RHBDD1: variants seen among roughly 807,000 people sequenced by gnomAD.
RHBDD1 encodes the protein rhomboid-related protein 4.
Under a neutral mutation model 36.3 loss-of-function variants are expected in RHBDD1, and 38 were observed. That is an observed-to-expected ratio of 1.05 (90% confidence interval 0.81 to 1.37). The LOEUF is 1.37. Among genes scored for constraint, RHBDD1 ranks in the 40% most tolerant of loss-of-function variants. RHBDD1 has a pLI of 0.00. For synonymous variants in RHBDD1, 151 were observed against 136.5 expected (o/e 1.11, Z -0.74); for missense variants, 393 against 377.6 (o/e 1.04, Z -0.34).
chr2:226,985,896 G>C (rs182292883), intron 8 of RHBDD1, among the ~76,000 whole-genome samples: 3 of 152,362 alleles, frequency 2.0e-5, no homozygotes, highest in African/African-American at 7.2e-5. Context: ...ACTCTTAGTG[G>C]CAAAGGCCAA....
In RHBDD1 at chr2:226,992,553, G is replaced by A. The variant is rs139386692; in HGVS notation, c.857-2878G>A. On this transcript the variant is annotated intron_variant, in intron 8 of 8. Coordinates refer to ENST00000392062, the MANE Select transcript of RHBDD1 (RefSeq NM_001167608.3). ...AAGGTCTTCTTGGTTCTAGAAAGCC[G>A]AACCATGCTAGTAGCCAGTGGAATT... is the stretch of plus-strand genomic sequence containing the variant. 1.4e-3 allele frequency among the ~76,000 whole-genome samples: 219 copies of A among 152,292 alleles called. 2 individuals carry two copies. Among genetic ancestry groups the A allele is most frequent in the Non-Finnish European group, 1.9e-3 (128 of 68,024 alleles).
In RHBDD1 at chr2:226,864,837, A is replaced by G; in HGVS notation, c.144A>G (p.Pro48=). The change falls in exon 4 of 9, where the codon CCA becomes CCG. Residue 48 remains proline (P), a synonymous_variant. Coordinates refer to ENST00000392062, the MANE Select transcript of RHBDD1 (RefSeq NM_001167608.3). ...NIWFFLNPQK[P]LYSSCLSVEK... is the part of the protein sequence containing the mutation. Reference sequence around the variant, plus strand: ...GGTTCTTCTTGAACCCTCAGAAGCCACTGTATAGCTCCTGCCTTAGTGTGG... The same window carrying G: ...GGTTCTTCTTGAACCCTCAGAAGCCGCTGTATAGCTCCTGCCTTAGTGTGG... 2 of 1,614,200 alleles carry G rather than the reference A, an allele frequency of 1.2e-6. No individual in the cohort carries two copies. The highest frequency in any genetic ancestry group is 1.3e-5 in the African/African-American group (1 of 75,042).
At chr2:226,890,060 A>C (rs1245238414) in intron 5 of RHBDD1, among the ~76,000 whole-genome samples, 1 of 152,208 alleles carries the variant, frequency 6.6e-6, no homozygotes, top group African/African-American at 2.4e-5. Flanking sequence ...CATCACCTGC[A>C]GGTACAAGGT....
chr2:226,855,466 T>C (rs566557909), intron 3 of RHBDD1, among the ~76,000 whole-genome samples: 1 of 152,310 alleles, frequency 6.6e-6, no homozygotes, highest in Non-Finnish European at 1.5e-5. Flanking sequence ...ATTGTACCAC[T>C]GCACTCCAGC....
At position 226,947,961 on chromosome 2, in the gene RHBDD1, T is replaced by G. The variant is rs535177938; in HGVS notation, c.856+33610T>G. Among the ~76,000 whole-genome samples, 29 of 152,324 alleles carry G rather than the reference T, an allele frequency of 1.9e-4. No homozygotes were observed. The South Asian group carries it at 6.0e-3, about 32-fold the overall frequency. ...TGGAGAAATAGGAACACTTTTACAC[T>G]GTTGGTGGGATTGTAAACTAGTTCA... On this transcript the variant is annotated intron_variant, in intron 8 of 8. Coordinates refer to ENST00000392062, the MANE Select transcript of RHBDD1 (RefSeq NM_001167608.3).
At chr2:226,987,435 C>T (rs1020662043) in intron 8 of RHBDD1, among the ~76,000 whole-genome samples, 8 of 152,194 alleles carry the variant, frequency 5.3e-5, no homozygotes, top group African/African-American at 1.9e-4. Context: ...CTTCTGTGCC[C>T]AGCTGCCAAA....
chr2:226,819,771 T>C, the RHBDD1 span, among the ~76,000 whole-genome samples: 5 of 152,228 alleles, frequency 3.3e-5, no homozygotes, highest in African/African-American at 1.2e-4. Context: ...TTTCACATTA[T>C]TGCTCAGTAG....
At chr2:226,812,647 C>CTCTCTTTTTTTTTT in the RHBDD1 span, among the ~76,000 whole-genome samples, 1 of 150,302 alleles carries the variant, frequency 6.7e-6, no homozygotes, top group Non-Finnish European at 1.5e-5. Context: ...CTCTCTCTCT[C>CTCTCTTTTTTTTTT]TTTTTTTTTG....
At chr2:226,934,382 T>C (rs1280460411) in intron 8 of RHBDD1, among the ~76,000 whole-genome samples, 1 of 152,084 alleles carries the variant, frequency 6.6e-6, no homozygotes, top group Non-Finnish European at 1.5e-5. Flanking sequence ...AATGACACAT[T>C]TTTTCAGAAC....
chr2:226,914,521 C>T, intron 8 of RHBDD1, 170 bp downstream of exon 8: 1 of 660,808 alleles, frequency 1.5e-6, no homozygotes, highest in Non-Finnish European at 2.4e-6. Context: ...ATGCCATATT[C>T]CCAGCAACCT....
chr2:226,839,998 T>C (rs1474033087), intron 3 of RHBDD1, among the ~76,000 whole-genome samples: 1 of 152,200 alleles, frequency 6.6e-6, no homozygotes, highest in Non-Finnish European at 1.5e-5. Flanking sequence ...TAGTAAAGTG[T>C]TTTTTTAGAG....
At chr2:226,818,031 A>T in the RHBDD1 span, among the ~76,000 whole-genome samples, 1 of 152,084 alleles carries the variant, frequency 6.6e-6, no homozygotes, top group Non-Finnish European at 1.5e-5. Context: ...ATTCAGAATG[A>T]TATGATAATT....
chr2:226,995,363 G>T, intron 8 of RHBDD1, 68 bp from the exon 9 acceptor site: 2 of 949,880 alleles, frequency 2.1e-6, no homozygotes, highest in Non-Finnish European at 1.7e-6. Context: ...TGTTCCCTTG[G>T]AATCCTAGGG....
At chr2:226,993,376 C>G (rs1419647941) in intron 8 of RHBDD1, among the ~76,000 whole-genome samples, 1 of 152,168 alleles carries the variant, frequency 6.6e-6, no homozygotes, top group African/African-American at 2.4e-5. Flanking sequence ...CCCAGGCCAT[C>G]TGGAATGAGG....
At chr2:226,829,755 GTA>G in the RHBDD1 span, among the ~76,000 whole-genome samples, 1 of 152,290 alleles carries the variant, frequency 6.6e-6, no homozygotes, top group Admixed American at 6.5e-5. Flanking sequence ...GCGTGTGTAT[GTA>G]TGTGTGTATT....
At chr2:226,816,665 G>A in the RHBDD1 span, among the ~76,000 whole-genome samples, 1 of 152,202 alleles carries the variant, frequency 6.6e-6, no homozygotes, top group Non-Finnish European at 1.5e-5. Flanking sequence ...GCGGGCCAAG[G>A]TGGGTGGATC....
rs148862669 is a variant in RHBDD1 at position 226,876,970 on chromosome 2, C to G, written c.566+9652C>G. Among the ~76,000 whole-genome samples, 75 of 152,178 alleles carry G rather than the reference C, an allele frequency of 4.9e-4. No homozygotes were observed. In the East Asian group the frequency reaches 0.014, roughly 28 times the overall value. On this transcript the variant is annotated intron_variant, in intron 5 of 8. Transcript: ENST00000392062. ...TTGGCTTAATTAAAAAAATCTGATT[C>G]CCATATTTGCTTCTGTGTTAACTCC...
At chr2:226,824,083 A>T in the RHBDD1 span, among the ~76,000 whole-genome samples, 3 of 152,142 alleles carry the variant, frequency 2.0e-5, no homozygotes, top group African/African-American at 7.2e-5. Context: ...ATACCTACAT[A>T]CACGTTTTTT....
chr2:226,867,652 A>G (rs1426077735), intron 5 of RHBDD1: 1 of 984,730 alleles, frequency 1.0e-6, no homozygotes, highest in African/African-American at 1.7e-5. Context: ...AGAAGCACAT[A>G]GAAACCACGT....
Sources: allele counts gnomAD v4.1 joint callset (sites outside exome capture counted in the v4.1 genomes callset), GRCh38; gene constraint gnomAD v4.1.1; transcripts MANE v1.5; gene names NCBI Gene and HGNC (gene_info 2026-07-23, HGNC 2026-07-21).